CACNA1B: variants seen among roughly 807,000 people sequenced by gnomAD.
The protein encoded by CACNA1B is calcium voltage-gated channel subunit alpha1 B.
Under a neutral mutation model 247.2 loss-of-function variants are expected in CACNA1B, and 70 were observed. That is an observed-to-expected ratio of 0.28 (90% CI 0.23 to 0.35). The LOEUF (loss-of-function observed/expected upper bound fraction) is 0.35, where lower values mean the gene tolerates loss of function less well. CACNA1B is among the 10% of genes least tolerant of loss of function. The pLI, the probability that CACNA1B is intolerant of heterozygous loss-of-function variation, is 1.00. For missense variants in CACNA1B, 2,367 were observed against 3,197.4 expected (o/e 0.74, Z 6.26); for synonymous variants, 1,231 against 1,294.4 (o/e 0.95, Z 1.05).
At chr9:138,041,032 G>A (rs1174591607) in intron 20 of CACNA1B, among the ~76,000 whole-genome samples, 1 of 152,168 alleles carries the variant, frequency 6.6e-6, no homozygotes, top group Admixed American at 6.5e-5. Context: ...GATATCTTTA[G>A]ATATCTTGGG....
intron 39 of CACNA1B, among the ~76,000 whole-genome samples, chr9:138,110,195 G>T (rs1961575463): frequency 6.6e-6 from 1 of 151,986 alleles, no homozygotes; most frequent in Admixed American, 6.5e-5. Flanking sequence ...GCTCACTGCA[G>T]TCTCTGCCTC....
Position 138,121,417 on chromosome 9 carries a change from CTTT to C in CACNA1B, c.6490-36_6490-34del, listed in dbSNP as rs35987844. ...TGATGTGCTCTGTCTGTTGGTTCGGCTTTTTTTTTTTTTTTTTTACCTCTGATT... is the reference window on the plus strand; with the variant it reads ...TGATGTGCTCTGTCTGTTGGTTCGGCTTTTTTTTTTTTTTTACCTCTGATT... On this transcript the variant is annotated intron_variant, in intron 46 of 46. Coordinates refer to ENST00000371372, the MANE Select transcript of CACNA1B (RefSeq NM_000718.4). The surrounding 1 kb of genome is among the most constrained non-coding windows in gnomAD (Gnocchi z 6.8). 21,697 of 844,736 alleles carry C rather than the reference CTTT, an allele frequency of 0.026. No individual in the cohort carries two copies. The highest frequency in any genetic ancestry group is 0.038 in the South Asian group (1,486 of 39,376). 52.3% of individuals were successfully genotyped at this position (844,736 alleles called of 1,614,324 possible).
At chr9:137,960,326 C>A (rs62591366) in intron 10 of CACNA1B, among the ~76,000 whole-genome samples, 7 of 132,556 alleles carry the variant, frequency 5.3e-5, no homozygotes, top group Admixed American at 2.3e-4. Context: ...CGTGGGGTGG[C>A]GAGGTAGGGG....
Position 137,917,804 on chromosome 9 carries a change from T to A in CACNA1B, c.966+373T>A. ...GTTAGGCCCTCTGGGAAGTGTTTTA[T>A]TCCTGTTGACTCCTCTCAGGAACCT... On this transcript the variant is annotated intron_variant, in intron 6 of 46. Transcript: ENST00000371372. The surrounding 1 kb of genome is among the most constrained non-coding windows in gnomAD (Gnocchi z 5.5). Among the ~76,000 whole-genome samples, 1 of 152,268 alleles carries A rather than the reference T, an allele frequency of 6.6e-6. No individual in the cohort carries two copies. The highest frequency in any genetic ancestry group is 1.9e-4 in the East Asian group (1 of 5,196).
chr9:137,947,296 G>A (rs1402891835), intron 6 of CACNA1B, among the ~76,000 whole-genome samples: 1 of 152,158 alleles, frequency 6.6e-6, no homozygotes, highest in Non-Finnish European at 1.5e-5. Flanking sequence ...GTGACACAGT[G>A]GAAGGGGGGT....
intron 20 of CACNA1B, among the ~76,000 whole-genome samples, chr9:138,027,846 A>G (rs974781727): frequency 6.6e-6 from 1 of 152,024 alleles, no homozygotes; most frequent in Non-Finnish European, 1.5e-5. Context: ...CATTTTTTGT[A>G]GGATTTTTGG....
chr9:138,015,918 ACT>A (rs1958785600), intron 18 of CACNA1B, among the ~76,000 whole-genome samples: 1 of 152,204 alleles, frequency 6.6e-6, no homozygotes, highest in South Asian at 2.1e-4. Context: ...TCACACTGAC[ACT>A]CACACACACA....
Position 138,106,667 on chromosome 9 carries a change from A to G in CACNA1B, c.5428+860A>G, listed in dbSNP as rs190294268. Among the ~76,000 whole-genome samples the G allele has an allele frequency of 3.1e-3, 473 of 152,322 alleles. 1 individual carries two copies. Among genetic ancestry groups the G allele is most frequent in the African/African-American group, 0.01 (428 of 41,576 alleles). ...GTGCCTGTATTCCTAGCTATTCAGG[A>G]GGCTGAGGCAGGCTTGAACCTGGGA... On this transcript the variant is annotated intron_variant, in intron 39 of 46. Transcript: ENST00000371372.
intron 10 of CACNA1B, among the ~76,000 whole-genome samples, chr9:137,960,111 AG>A (rs1957994455): frequency 7.9e-6 from 1 of 127,322 alleles, no homozygotes. Context: ...GGTCAGCCTG[AG>A]GAACTACTCT....
chr9:137,942,047 C>G (rs1957738127), intron 6 of CACNA1B, among the ~76,000 whole-genome samples: 3 of 152,148 alleles, frequency 2.0e-5, no homozygotes, highest in Non-Finnish European at 4.4e-5. Context: ...AACAGACAAC[C>G]CACAGAGTGG....
chr9:138,104,894 G>A (rs931953041), intron 38 of CACNA1B, among the ~76,000 whole-genome samples: 9 of 152,250 alleles, frequency 5.9e-5, no homozygotes, highest in African/African-American at 2.2e-4. Context: ...GCACTGGCTG[G>A]GGCCAGAGGA....
intron 3 of CACNA1B, among the ~76,000 whole-genome samples, chr9:137,892,923 G>T (rs892825667): frequency 1.6e-4 from 25 of 152,384 alleles, no homozygotes; most frequent in African/African-American, 5.5e-4. Flanking sequence ...TCAGAGGTGC[G>T]TGGGCTCCCA....
intron 38 of CACNA1B, among the ~76,000 whole-genome samples, chr9:138,105,002 A>C (rs1042792356): frequency 6.6e-6 from 1 of 152,242 alleles, no homozygotes; most frequent in Admixed American, 6.5e-5. Flanking sequence ...GCTGCAGGAC[A>C]CTGCCCCAGC....
chr9:138,047,599 C>G, intron 23 of CACNA1B, 141 bp downstream of exon 23: 1 of 650,050 alleles, frequency 1.5e-6, no homozygotes, highest in East Asian at 2.7e-5. Flanking sequence ...TGGGTGTGTG[C>G]TCAGCACATG....
chr9:138,118,691 C>A lies in CACNA1B; in HGVS notation c.5953C>A (p.Pro1985Thr). The A allele has an allele frequency of 6.4e-7, 1 of 1,566,650 alleles. No homozygotes were observed. Among genetic ancestry groups the A allele is most frequent in the Non-Finnish European group, 8.7e-7 (1 of 1,155,468 alleles). Reference protein sequence around the residue: ...VQMQSITRRGPDGEPQPGLES... With the variant: ...VQMQSITRRGTDGEPQPGLES... ...GATGCAGAGCATAACCCGGAGGGGCCCTGATGGGGAGCCCCAGCCTGGGCT... is the reference window on the plus strand; with the variant it reads ...GATGCAGAGCATAACCCGGAGGGGCACTGATGGGGAGCCCCAGCCTGGGCT... The change falls in exon 44 of 47, where the codon CCT becomes ACT. Residue 1985 changes from proline to threonine, a missense_variant. Pro to Thr is a conservative substitution (Grantham distance 38). This residue lies in a region of CACNA1B where 773 missense variants were observed against 779.4 expected (regional missense o/e 0.99). Coordinates refer to ENST00000371372, the MANE Select transcript of CACNA1B (RefSeq NM_000718.4).
Position 138,046,841 on chromosome 9 carries a change from C to G in CACNA1B, c.3414-63C>G, listed in dbSNP as rs1013418797. On this transcript the variant is annotated intron_variant, in intron 21 of 46. Transcript: ENST00000371372. ...TTCTGCGGGACGGGCTGAGCCTGCC[C>G]TGTGGCAAGGGGTGGCGCGCCCGGC... is the stretch of plus-strand genomic sequence containing the variant. The G allele has an allele frequency of 4.6e-5, 71 of 1,554,344 alleles. 2 individuals carry two copies. The South Asian group carries it at 7.4e-4, about 16-fold the overall frequency.
intron 37 of CACNA1B, among the ~76,000 whole-genome samples, chr9:138,098,568 G>A (rs1531164): frequency 0.14 from 21,662 of 152,150 alleles, 2,088 homozygotes; most frequent in East Asian, 0.48. Context: ...AGCTACGCCC[G>A]GGCCTTCCAC....
chr9:138,046,079 G>A (rs373166699), intron 21 of CACNA1B, among the ~76,000 whole-genome samples: 1 of 152,206 alleles, frequency 6.6e-6, no homozygotes, highest in Non-Finnish European at 1.5e-5. Flanking sequence ...CCTGGTTACT[G>A]TGCACTCTCA....
At position 137,962,995 on chromosome 9, in the gene CACNA1B, A is replaced by G. The variant is rs375047014; in HGVS notation, c.1333+5308A>G. Among the ~76,000 whole-genome samples, 8 of 152,114 alleles carry G rather than the reference A, an allele frequency of 5.3e-5. No homozygotes were observed. The East Asian group carries it at 1.2e-3, about 22-fold the overall frequency. Reference sequence around the variant, plus strand: ...TGTTGGTAGGTTGTTAAAGTCTCCCATTGTTATTGTGTGAGAGTCTAAGTC... The same window carrying G: ...TGTTGGTAGGTTGTTAAAGTCTCCCGTTGTTATTGTGTGAGAGTCTAAGTC... On this transcript the variant is annotated intron_variant, in intron 10 of 46. Transcript: ENST00000371372.
Sources: gnomAD v4.1 joint callset for allele counts (sites outside exome capture counted in the v4.1 genomes callset) on GRCh38, gnomAD v4.1.1 for gene constraint, gnomAD v4.1.1 regional missense constraint, Gnocchi (gnomAD v3.1) non-coding constraint, MANE v1.5 for transcripts, NCBI Gene and HGNC (gene_info 2026-07-23, HGNC 2026-07-21) for gene names.